The following MGRN1 variants were observed in gnomAD, a reference collection of about 807,000 sequenced individuals.
MGRN1 encodes E3 ubiquitin-protein ligase MGRN1.
A neutral mutation model predicts 69.2 loss-of-function variants in MGRN1; 29 were observed. That is an observed-to-expected ratio of 0.42 (90% CI 0.31 to 0.57). The LOEUF (loss-of-function observed/expected upper bound fraction) is 0.57. MGRN1 is among the 20% of genes least tolerant of loss of function. The pLI is 0.15. For synonymous variants in MGRN1, 470 were observed against 344.2 expected (o/e 1.37, Z -4.04); for missense variants, 998 against 796.2 (o/e 1.25, Z -3.05).
Position 4,688,964 on chromosome 16 carries a change from G to A in MGRN1, c.*56G>A, listed in dbSNP as rs1213975767. On this transcript the variant is annotated 3_prime_UTR_variant, in exon 17 of 17. Transcript: ENST00000262370. The stretch of plus-strand genomic sequence containing the variant: ...TCGGCTCCCCAGACTTTGCCGAGGG[G>A]CTGCTCCGGACCCCGTTGTGAGCCG... 2.7e-6 allele frequency: 4 copies of A among 1,495,026 alleles called. No individual in the cohort carries two copies. The highest frequency in any genetic ancestry group is 2.5e-5 in the South Asian group (2 of 79,414). 92.6% of individuals were successfully genotyped at this position (1,495,026 alleles called of 1,614,324 possible). A position where few individuals can be genotyped will look rare whatever the true frequency, so the allele number is the denominator to read the frequency against.
Position 4,624,876 on chromosome 16 carries a change from T to G in MGRN1, c.-85T>G. 2 of 1,239,364 alleles carry G rather than the reference T, an allele frequency of 1.6e-6. No homozygotes were observed. The highest frequency in any genetic ancestry group is 2.2e-6 in the Non-Finnish European group (2 of 913,168). 76.8% of individuals were successfully genotyped at this position (1,239,364 alleles called of 1,614,324 possible). A position where few individuals can be genotyped will look rare whatever the true frequency, so the allele number is the denominator to read the frequency against. ...GTGGACGAGCGTCCGTGCGGCCTGG[T>G]CCGGGCCATGTCCGCGTGAGGACCC... On this transcript the variant is annotated 5_prime_UTR_variant, in exon 1 of 17. Coordinates refer to ENST00000262370, the MANE Select transcript of MGRN1 (RefSeq NM_015246.4).
At chr16:4,663,434 C>G (rs568722988) in intron 5 of MGRN1, among the ~76,000 whole-genome samples, 1 of 142,870 alleles carries the variant, frequency 7.0e-6, no homozygotes, top group South Asian at 2.2e-4. Context: ...GCAGCTCACT[C>G]GTGTTAAGCG....
chr16:4,648,730 TCTCGGGGACTCTTCCCGTGGTCA>T (rs2141873286), intron 1 of MGRN1, among the ~76,000 whole-genome samples: 1 of 110,400 alleles, frequency 9.1e-6, no homozygotes, highest in African/African-American at 4.1e-5. Context: ...CGGCTCCTCC[TCTCGGGGACTCTTCCCGTGGTCA>T]CCCGGCTCCT....
intron 16 of MGRN1, chr16:4,687,335 G>T: frequency 1.0e-6 from 1 of 970,492 alleles, no homozygotes. Context: ...GATCACTTGA[G>T]CCCAGGAATT....
At chr16:4,668,200 C>T in intron 7 of MGRN1, 65 bp from the exon 8 acceptor site, 9 of 1,460,408 alleles carry the variant, frequency 6.2e-6, no homozygotes, top group Admixed American at 2.0e-5. Flanking sequence ...ACCCAGGCGG[C>T]CACGCAGGGG....
At chr16:4,686,630 C>T (rs2079326027) in intron 16 of MGRN1, 1 of 1,166,488 alleles carries the variant, frequency 8.6e-7, no homozygotes, top group Non-Finnish European at 1.1e-6. Flanking sequence ...CCAGGTGCGC[C>T]AGAGCCACTG....
intron 9 of MGRN1, among the ~76,000 whole-genome samples, chr16:4,672,106 A>G (rs925723262): frequency 2.6e-5 from 4 of 152,234 alleles, no homozygotes; most frequent in African/African-American, 9.6e-5. Flanking sequence ...GGGTTTCACC[A>G]TGTTGGCCAG....
chr16:4,669,595 G>T (rs1197776000), intron 8 of MGRN1, among the ~76,000 whole-genome samples: 6 of 152,148 alleles, frequency 3.9e-5, no homozygotes, highest in Non-Finnish European at 7.3e-5. Flanking sequence ...GAGCCATTGT[G>T]TCTGGAACAT....
At chr16:4,656,157 G>A (rs552635276) in intron 4 of MGRN1, among the ~76,000 whole-genome samples, 2 of 152,240 alleles carry the variant, frequency 1.3e-5, no homozygotes, top group Non-Finnish European at 2.9e-5. Flanking sequence ...TTGGGTTCCT[G>A]CATGGAGTTT....
chr16:4,665,509 C>T lies in MGRN1; in HGVS notation c.678+358C>T, dbSNP rs193226354. Among the ~76,000 whole-genome samples the T allele has an allele frequency of 1.3e-4, 20 of 151,340 alleles. No individual in the cohort carries two copies. In the East Asian group the frequency reaches 3.5e-3, roughly 27 times the overall value. On this transcript the variant is annotated intron_variant, in intron 7 of 16. Coordinates refer to ENST00000262370, the MANE Select transcript of MGRN1 (RefSeq NM_015246.4). ...TCAACCTCCCGAGTACCTGGGAGTACAGGTGTGCACTACCACGCCTGGCTA... is the reference window on the plus strand; with the variant it reads ...TCAACCTCCCGAGTACCTGGGAGTATAGGTGTGCACTACCACGCCTGGCTA...
intron 7 of MGRN1, among the ~76,000 whole-genome samples, chr16:4,666,332 A>G (rs187241699): frequency 2.0e-5 from 3 of 151,506 alleles, no homozygotes; most frequent in Non-Finnish European, 4.4e-5. Context: ...AGGTCTCGCT[A>G]TGTTGCCCAG....
chr16:4,686,588 A>C, intron 16 of MGRN1: 1 of 1,267,786 alleles, frequency 7.9e-7, no homozygotes, highest in Admixed American at 3.9e-5. Context: ...GCCCTGGAAC[A>C]GTCCCAGCCC....
chr16:4,681,452 C>T, intron 12 of MGRN1, 98 bp from the exon 13 acceptor site: 2 of 1,187,110 alleles, frequency 1.7e-6, no homozygotes, highest in African/African-American at 1.5e-5. Flanking sequence ...GAGTCTCAAT[C>T]CCCCAAAGAA....
chr16:4,668,591 C>T (rs986147709), intron 8 of MGRN1, among the ~76,000 whole-genome samples: 12 of 151,292 alleles, frequency 7.9e-5, no homozygotes, highest in African/African-American at 2.9e-4. Context: ...ACACGACACT[C>T]ATACACACAT....
At chr16:4,678,672 G>A (rs1334167532) in intron 11 of MGRN1, among the ~76,000 whole-genome samples, 2 of 152,218 alleles carry the variant, frequency 1.3e-5, no homozygotes, top group Admixed American at 6.5e-5. Flanking sequence ...GGTTGGGCCC[G>A]GGTCTTAGGC....
At position 4,665,168 on chromosome 16, in the gene MGRN1, C is replaced by T. The variant is rs753027739; in HGVS notation, c.678+17C>T. The stretch of plus-strand genomic sequence containing the variant: ...TTTGAAAAGGTAAGTGCCATCTGGC[C>T]ATCACTTTCCCGGGGACCTGGGAGC... On this transcript the variant is annotated intron_variant, in intron 7 of 16. Transcript: ENST00000262370. 5 of 1,614,078 alleles carry T rather than the reference C, an allele frequency of 3.1e-6. No homozygotes were observed. In the Admixed American group the frequency reaches 5.0e-5, roughly 16 times the overall value.
At chr16:4,642,466 T>G (rs1481293444) in intron 1 of MGRN1, among the ~76,000 whole-genome samples, 1 of 141,732 alleles carries the variant, frequency 7.1e-6, no homozygotes, top group Non-Finnish European at 1.5e-5. Flanking sequence ...GCCAGCTAAT[T>G]TGTGTGTGTG....
At chr16:4,656,787 G>T (rs984713019) in intron 4 of MGRN1, among the ~76,000 whole-genome samples, 15 of 152,210 alleles carry the variant, frequency 9.9e-5, no homozygotes, top group African/African-American at 3.6e-4. Context: ...AGCTGAGGCA[G>T]GAGGATCACT....
chr16:4,629,703 C>T (rs1165248498), intron 1 of MGRN1, among the ~76,000 whole-genome samples: 2 of 148,946 alleles, frequency 1.3e-5, no homozygotes, highest in African/African-American at 2.5e-5. Flanking sequence ...CGCGCCACTG[C>T]ACTCCAGCCT....
Sources: allele counts gnomAD v4.1 joint callset (sites outside exome capture counted in the v4.1 genomes callset), GRCh38; gene constraint gnomAD v4.1.1; transcripts MANE v1.5; gene names NCBI Gene and HGNC (gene_info 2026-07-23, HGNC 2026-07-21).